The following FRMD4A variants were observed in gnomAD, a reference collection of about 807,000 sequenced individuals.
FRMD4A encodes FERM domain containing 4A.
A neutral mutation model predicts 129.1 loss-of-function variants in FRMD4A; 29 were observed. The ratio of observed to expected loss-of-function variants is 0.22; its 90% CI spans 0.17 to 0.31. The LOEUF is 0.31. Among genes scored for constraint, FRMD4A ranks in the 10% least tolerant of loss-of-function variants. The pLI is 1.00. For missense variants in FRMD4A, 1,272 were observed against 1,375.8 expected, an observed-to-expected ratio of 0.92 and a Z score of 1.19; for synonymous variants, 634 against 571.6, an observed-to-expected ratio of 1.11 and a Z score of -1.56.
chr10:14,192,440 A>G (rs1460609124), intron 2 of FRMD4A, among the ~76,000 whole-genome samples: 1 of 152,252 alleles, frequency 6.6e-6, no homozygotes, highest in East Asian at 1.9e-4. Context: ...ATACATTCAC[A>G]TAACAAAACT....
intron 2 of FRMD4A, among the ~76,000 whole-genome samples, chr10:14,125,100 G>T (rs1433187556): frequency 1.3e-5 from 2 of 152,142 alleles, no homozygotes; most frequent in Non-Finnish European, 2.9e-5. Flanking sequence ...GCTATCACCG[G>T]AATGCAGCAG....
intron 12 of FRMD4A, among the ~76,000 whole-genome samples, chr10:13,719,184 C>T (rs1226747210): frequency 6.6e-6 from 1 of 152,152 alleles, no homozygotes; most frequent in East Asian, 1.9e-4. Flanking sequence ...AAATACATTT[C>T]TAAGCTGCAA....
chr10:14,018,690 G>C (rs1588788220), intron 2 of FRMD4A, among the ~76,000 whole-genome samples: 1 of 152,186 alleles, frequency 6.6e-6, no homozygotes, highest in East Asian at 1.9e-4. Flanking sequence ...CAAGATTATT[G>C]CAATTGTCCA....
chr10:14,248,727 G>T lies in FRMD4A; in HGVS notation c.45+81331C>A, dbSNP rs147617763. ...GGCCTCCAATGCTTGCATTCATGAG[G>T]TCATATTCCAAGGAATAATTGCTAA... On this transcript the variant is annotated intron_variant, in intron 2 of 24. Transcript: ENST00000357447. Among the ~76,000 whole-genome samples, 507 of 152,266 alleles carry T rather than the reference G, an allele frequency of 3.3e-3. 6 individuals carry two copies. Among genetic ancestry groups the T allele is most frequent in the African/African-American group, 0.012 (499 of 41,546 alleles).
At position 13,772,376 on chromosome 10, in the gene FRMD4A, C is replaced by T. The variant is rs144817747; in HGVS notation, c.385-9696G>A. ...CTCTAAGGTTAAGTTACCTACAGGT[C>T]GAGGGTTCAGGGCCAGCTGGCCTAG... On this transcript the variant is annotated intron_variant, in intron 6 of 24. Coordinates refer to ENST00000357447, the MANE Select transcript of FRMD4A (RefSeq NM_018027.5). Among the ~76,000 whole-genome samples, 475 of 151,852 alleles carry T rather than the reference C, an allele frequency of 3.1e-3. 3 individuals carry two copies. The highest frequency in any genetic ancestry group is 0.011 in the African/African-American group (455 of 41,386).
At chr10:14,295,113 T>C (rs548963612) in intron 2 of FRMD4A, among the ~76,000 whole-genome samples, 1 of 152,242 alleles carries the variant, frequency 6.6e-6, no homozygotes, top group African/African-American at 2.4e-5. Context: ...TAGTTTTACA[T>C]GGAGTGGAAG....
intron 3 of FRMD4A, among the ~76,000 whole-genome samples, chr10:13,834,217 T>C (rs2093837074): frequency 6.6e-6 from 1 of 152,040 alleles, no homozygotes; most frequent in Admixed American, 6.6e-5. Context: ...TGGGCTGAGA[T>C]TGTACCCTTG....
chr10:13,978,703 T>C (rs907045681), intron 2 of FRMD4A, among the ~76,000 whole-genome samples: 1 of 152,138 alleles, frequency 6.6e-6, no homozygotes, highest in South Asian at 2.1e-4. Flanking sequence ...TTTCTCAACC[T>C]GAGAACCCAA....
At chr10:14,127,803 C>A (rs1004078624) in intron 2 of FRMD4A, among the ~76,000 whole-genome samples, 1 of 152,194 alleles carries the variant, frequency 6.6e-6, no homozygotes, top group African/African-American at 2.4e-5. Context: ...CTCTTGGAAT[C>A]CATCCTTCAG....
chr10:13,825,515 A>T lies in FRMD4A; in HGVS notation c.112-14607T>A, dbSNP rs755932303. ...GTTGTATGCTCCTTATGAGAATCTA[A>T]CTAGTGCCTGATGATGTGAGGTGGA... On this transcript the variant is annotated intron_variant, in intron 3 of 24. Coordinates refer to ENST00000357447, the MANE Select transcript of FRMD4A (RefSeq NM_018027.5). Among the ~76,000 whole-genome samples the T allele has an allele frequency of 5.3e-5, 8 of 152,302 alleles. No individual in the cohort carries two copies. The South Asian group carries it at 6.2e-4, about 12-fold the overall frequency.
At chr10:13,831,744 A>G (rs1044553090) in intron 3 of FRMD4A, among the ~76,000 whole-genome samples, 1 of 152,102 alleles carries the variant, frequency 6.6e-6, no homozygotes. Flanking sequence ...TCCCTTCCCC[A>G]TGCCAACCTC....
intron 2 of FRMD4A, among the ~76,000 whole-genome samples, chr10:14,309,277 T>C (rs979536865): frequency 6.6e-6 from 1 of 152,072 alleles, no homozygotes; most frequent in Non-Finnish European, 1.5e-5. Context: ...TAGTGAGACC[T>C]CATCTCTAAA....
intron 2 of FRMD4A, among the ~76,000 whole-genome samples, chr10:14,129,106 C>T (rs1263547893): frequency 6.6e-6 from 1 of 151,936 alleles, no homozygotes; most frequent in African/African-American, 2.4e-5. Flanking sequence ...AAATCTTCTC[C>T]AAACCCATGA....
intron 2 of FRMD4A, among the ~76,000 whole-genome samples, chr10:13,925,471 A>G (rs1207393520): frequency 1.3e-5 from 2 of 151,518 alleles, no homozygotes; most frequent in African/African-American, 4.9e-5. Context: ...GGCAGCATGC[A>G]AATGCTCTTT....
chr10:14,234,654 C>G (rs1260075454), intron 2 of FRMD4A, among the ~76,000 whole-genome samples: 1 of 152,230 alleles, frequency 6.6e-6, no homozygotes, highest in African/African-American at 2.4e-5. Context: ...ATGAGAAGGG[C>G]CCTGGCTTTG....
intron 24 of FRMD4A, among the ~76,000 whole-genome samples, chr10:13,650,207 CTGAAT>C (rs1341689725): frequency 1.3e-5 from 2 of 152,116 alleles, no homozygotes; most frequent in Non-Finnish European, 2.9e-5. Flanking sequence ...GAATTTCAAA[CTGAAT>C]TATTTTTTTA....
intron 2 of FRMD4A, among the ~76,000 whole-genome samples, chr10:14,198,024 G>T (rs187850304): frequency 6.6e-6 from 1 of 152,194 alleles, no homozygotes; most frequent in African/African-American, 2.4e-5. Context: ...GCTTTCCAGT[G>T]CTCATCCTCC....
chr10:14,229,604 A>G (rs1843567224), intron 2 of FRMD4A, among the ~76,000 whole-genome samples: 1 of 152,050 alleles, frequency 6.6e-6, no homozygotes, highest in East Asian at 1.9e-4. Flanking sequence ...TGCTTGGCTA[A>G]TTTTTAAAAA....
chr10:13,941,088 C>T (rs915122990), intron 2 of FRMD4A, among the ~76,000 whole-genome samples: 10 of 152,124 alleles, frequency 6.6e-5, no homozygotes, highest in Admixed American at 4.6e-4. Flanking sequence ...AAATGCAAAT[C>T]GTGTGATATG....
Sources: allele counts gnomAD v4.1 joint callset (sites outside exome capture counted in the v4.1 genomes callset), GRCh38; gene constraint gnomAD v4.1.1; transcripts MANE v1.5; gene names NCBI Gene and HGNC (gene_info 2026-07-23, HGNC 2026-07-21).